The following TULP4 variants were observed in gnomAD, a reference collection of about 807,000 sequenced individuals.
TULP4 encodes tubby-related protein 4.
Under a neutral mutation model 129.0 loss-of-function variants are expected in TULP4, and 16 were observed. The ratio of observed to expected loss-of-function variants is 0.12; its 90% CI spans 0.08 to 0.19. TULP4 has a LOEUF of 0.19. TULP4 is among the 10% of genes least tolerant of loss of function. The pLI is 1.00. For synonymous variants in TULP4, 998 were observed against 854.0 expected (o/e 1.17, Z -2.94); for missense variants, 1,842 against 2,059.1 (o/e 0.89, Z 2.04).
At chr6:158,464,291 C>G (rs1779506932) in intron 6 of TULP4, among the ~76,000 whole-genome samples, 1 of 152,140 alleles carries the variant, frequency 6.6e-6, no homozygotes, top group South Asian at 2.1e-4. Context: ...GTTGGTTAAG[C>G]CTGTGGAAAG....
At chr6:158,489,051 C>T (rs528621442) in intron 8 of TULP4, among the ~76,000 whole-genome samples, 5 of 152,122 alleles carry the variant, frequency 3.3e-5, no homozygotes, top group Non-Finnish European at 7.4e-5. Flanking sequence ...CTTTACCAGG[C>T]GGGAGAGCCA....
intron 1 of TULP4, among the ~76,000 whole-genome samples, chr6:158,251,608 T>C (rs1778142579): frequency 1.3e-5 from 2 of 152,196 alleles, no homozygotes; most frequent in African/African-American, 4.8e-5. Context: ...GAGTTATGAG[T>C]AACTGTATTT....
At chr6:158,322,987 C>T (rs1779671932) in intron 1 of TULP4, among the ~76,000 whole-genome samples, 1 of 152,166 alleles carries the variant, frequency 6.6e-6, no homozygotes, top group Non-Finnish European at 1.5e-5. Flanking sequence ...GCGTGCTTTT[C>T]TCAGTGGTGC....
chr6:158,258,232 G>A (rs1280471928), intron 1 of TULP4, among the ~76,000 whole-genome samples: 1 of 152,142 alleles, frequency 6.6e-6, no homozygotes, highest in Non-Finnish European at 1.5e-5. Context: ...CTAGGATGCT[G>A]CATGGATGGG....
chr6:158,447,437 A>G (rs1779076835), intron 3 of TULP4, among the ~76,000 whole-genome samples: 1 of 152,242 alleles, frequency 6.6e-6, no homozygotes. Context: ...GTATTCATTC[A>G]TTAAAATATA....
At position 158,392,794 on chromosome 6, in the gene TULP4, C is replaced by CTTTTTTTTTTTTTTTTTTTTTTTTTT. The variant is rs773565295; in HGVS notation, c.253-20246_253-20245insTTTTTTTTTTTTTTTTTTTTTTTTTT. On this transcript the variant is annotated intron_variant, in intron 1 of 13. Transcript: ENST00000367097. ...GTACCTATTGTTTAAATTTGTATTTCTTTTTTTTTTTTTTTTTTTTTTTTT... is the reference window on the plus strand; with the variant it reads ...GTACCTATTGTTTAAATTTGTATTTCTTTTTTTTTTTTTTTTTTTTTTTTTTTTTTTTTTTTTTTTTTTTTTTTTTT... 7.3e-5 allele frequency among the ~76,000 whole-genome samples: 4 copies of CTTTTTTTTTTTTTTTTTTTTTTTTTT among 54,648 alleles called. 1 individual carries two copies. Among genetic ancestry groups the CTTTTTTTTTTTTTTTTTTTTTTTTTT allele is most frequent in the Non-Finnish European group, 1.2e-4 (4 of 33,182 alleles). 35.9% of individuals were successfully genotyped at this position (54,648 alleles called of 152,430 possible). A position where few individuals can be genotyped will look rare whatever the true frequency, so the allele number is the denominator to read the frequency against.
chr6:158,258,309 G>A (rs764775620), intron 1 of TULP4, among the ~76,000 whole-genome samples: 1 of 152,172 alleles, frequency 6.6e-6, no homozygotes, highest in African/African-American at 2.4e-5. Context: ...CACTCCCTCA[G>A]TGTTTCTGAG....
At chr6:158,396,380 A>C (rs1777716123) in intron 1 of TULP4, among the ~76,000 whole-genome samples, 1 of 152,214 alleles carries the variant, frequency 6.6e-6, no homozygotes, top group Admixed American at 6.5e-5. Context: ...ATATTTACAC[A>C]GAGCTTAAAC....
rs748147077 is a variant in TULP4 at position 158,481,151 on chromosome 6, G to A, written c.1348G>A (p.Asp450Asn). ...LHCTMKRTEDDPEVGGPCYTL... is the reference protein window; with the variant it reads ...LHCTMKRTEDNPEVGGPCYTL... ...CTGCACCATGAAGCGCACAGAGGAC[G>A]ACCCGGAGGTGGGCGGCCCGTGCTA... Residue 450 changes from aspartate to asparagine, a missense_variant, in exon 8 of 14, where the codon GAC (aspartate) becomes AAC (asparagine). Coordinates refer to ENST00000367097, the MANE Select transcript of TULP4 (RefSeq NM_020245.5). 62 of 1,613,904 alleles carry A rather than the reference G, an allele frequency of 3.8e-5. No homozygotes were observed. Among genetic ancestry groups the A allele is most frequent in the South Asian group, 3.2e-4 (29 of 91,058 alleles).
At chr6:158,269,124 C>G (rs1330377574) in intron 1 of TULP4, among the ~76,000 whole-genome samples, 1 of 152,068 alleles carries the variant, frequency 6.6e-6, no homozygotes, top group African/African-American at 2.4e-5. Context: ...ATTCTCGAGT[C>G]TGAGAATATG....
intron 1 of TULP4, among the ~76,000 whole-genome samples, chr6:158,387,525 T>TA (rs996941335): frequency 1.3e-5 from 2 of 152,204 alleles, no homozygotes; most frequent in African/African-American, 2.4e-5. Context: ...GCCTGATCAG[T>TA]AAATAGTTTT....
At chr6:158,239,663 A>G (rs1777814720) in intron 1 of TULP4, among the ~76,000 whole-genome samples, 1 of 63,908 alleles carries the variant, frequency 1.6e-5, no homozygotes, top group Non-Finnish European at 3.4e-5. Flanking sequence ...TCCCTCCCGG[A>G]CCGGGCGGCT....
chr6:158,364,530 G>A (rs1199992107), intron 1 of TULP4, among the ~76,000 whole-genome samples: 1 of 152,020 alleles, frequency 6.6e-6, no homozygotes, highest in Admixed American at 6.5e-5. Flanking sequence ...TCCTGGGTTT[G>A]GAATTCTGGG....
chr6:158,323,549 G>A (rs982609639), intron 1 of TULP4, among the ~76,000 whole-genome samples: 2 of 151,986 alleles, frequency 1.3e-5, no homozygotes, highest in African/African-American at 4.8e-5. Context: ...CATCTACCTT[G>A]TTTCCTTCCT....
intron 4 of TULP4, 110 bp downstream of exon 4, chr6:158,449,286 G>T: frequency 1.7e-6 from 2 of 1,164,050 alleles, no homozygotes; most frequent in Non-Finnish European, 2.4e-6. Flanking sequence ...CACACCTACG[G>T]CACCCGGGCT....
Position 158,415,059 on chromosome 6 carries a change from A to G in TULP4, c.381+1866A>G, listed in dbSNP as rs537461398. Among the ~76,000 whole-genome samples, 7 of 152,346 alleles carry G rather than the reference A, an allele frequency of 4.6e-5. No homozygotes were observed. The East Asian group carries it at 5.8e-4, about 13-fold the overall frequency. ...TCTTTTGGCAGAGATGCGTGTATTC[A>G]TAGTGTAGTTACATGCTGCATAATG... On this transcript the variant is annotated intron_variant, in intron 2 of 13. Transcript: ENST00000367097.
Position 158,481,293 on chromosome 6 carries a change from G to A in TULP4, c.1486+4G>A. The A allele has an allele frequency of 6.2e-7, 1 of 1,611,800 alleles. No individual in the cohort carries two copies. Among genetic ancestry groups the A allele is most frequent in the Non-Finnish European group, 8.5e-7 (1 of 1,178,938 alleles). ...CCGCGGACAGATAGCAAACCAGGTG[G>A]GCCCCTCACCCGAGGGACTGGGACC... On this transcript the variant is annotated splice_donor_region_variant and intron_variant, in intron 8 of 13. Coordinates refer to ENST00000367097, the MANE Select transcript of TULP4 (RefSeq NM_020245.5).
intron 1 of TULP4, among the ~76,000 whole-genome samples, chr6:158,371,511 T>C (rs1289028348): frequency 6.6e-6 from 1 of 152,224 alleles, no homozygotes; most frequent in Non-Finnish European, 1.5e-5. Flanking sequence ...GTTTATGAAG[T>C]GCACTGCCTG....
chr6:158,288,758 C>T (rs827860), intron 1 of TULP4, among the ~76,000 whole-genome samples: 20,255 of 152,164 alleles, frequency 0.13, 1,711 homozygotes, highest in African/African-American at 0.23. Flanking sequence ...CCTCGACCTC[C>T]CAAAGTGCTG....
Sources: gnomAD v4.1 joint callset for allele counts (sites outside exome capture counted in the v4.1 genomes callset) on GRCh38, gnomAD v4.1.1 for gene constraint, MANE v1.5 for transcripts, NCBI Gene and HGNC (gene_info 2026-07-23, HGNC 2026-07-21) for gene names.